Variants in UVRAG observed in about 807,000 individuals in gnomAD.
UVRAG encodes UV radiation resistance associated.
A neutral mutation model predicts 78.0 loss-of-function variants in UVRAG; 19 were observed. The ratio of observed to expected loss-of-function variants is 0.24; its 90% CI spans 0.17 to 0.36. UVRAG has a LOEUF of 0.36. Among genes scored for constraint, UVRAG ranks in the 10% least tolerant of loss-of-function variants. The pLI, the probability that UVRAG is intolerant of heterozygous loss-of-function variation, is 1.00. For missense variants in UVRAG, 740 were observed against 853.8 expected (o/e 0.87, Z 1.66); for synonymous variants, 323 against 324.6 (o/e 1.00, Z 0.05).
chr11:75,877,482 C>G (rs1416980426), intron 3 of UVRAG, among the ~76,000 whole-genome samples: 20 of 148,034 alleles, frequency 1.4e-4, no homozygotes, highest in Non-Finnish European at 2.6e-4. Flanking sequence ...ACCTCCCTCC[C>G]GGACGGGGCG....
chr11:75,975,909 T>C (rs1468235607), intron 7 of UVRAG, among the ~76,000 whole-genome samples: 2 of 152,212 alleles, frequency 1.3e-5, no homozygotes, highest in East Asian at 1.9e-4. Flanking sequence ...CTGTGTTGAA[T>C]AGGAGTGGTG....
chr11:75,890,465 G>C (rs1947191319), intron 5 of UVRAG, among the ~76,000 whole-genome samples: 1 of 152,204 alleles, frequency 6.6e-6, no homozygotes, highest in South Asian at 2.1e-4. Context: ...TGTCATGGAT[G>C]ACTTTTGGGT....
At chr11:75,999,665 C>T (rs1949774358) in intron 8 of UVRAG, among the ~76,000 whole-genome samples, 1 of 152,106 alleles carries the variant, frequency 6.6e-6, no homozygotes, top group African/African-American at 2.4e-5. Flanking sequence ...AGGTGTGAGC[C>T]ACCGTGCCCA....
At chr11:75,991,190 A>G (rs185341003) in intron 8 of UVRAG, among the ~76,000 whole-genome samples, 67 of 152,294 alleles carry the variant, frequency 4.4e-4, no homozygotes, top group African/African-American at 1.5e-3. Context: ...CCCCAAATAA[A>G]TAGACAGTTG....
chr11:75,930,926 A>ATTTTCTTTCT (rs1565385011), intron 6 of UVRAG: 2 of 79,700 alleles, frequency 2.5e-5, no homozygotes, highest in African/African-American at 8.4e-5. Flanking sequence ...AAGTGTCGGG[A>ATTTTCTTTCT]TTTTCTTTCT....
intron 6 of UVRAG, among the ~76,000 whole-genome samples, chr11:75,914,774 G>T (rs991799233): frequency 6.6e-6 from 1 of 152,098 alleles, no homozygotes; most frequent in African/African-American, 2.4e-5. Flanking sequence ...GATTACAGGC[G>T]TGAGCCACTG....
At chr11:76,049,449 G>A (rs1365606042) in intron 12 of UVRAG, among the ~76,000 whole-genome samples, 1 of 152,172 alleles carries the variant, frequency 6.6e-6, no homozygotes, top group Non-Finnish European at 1.5e-5. Flanking sequence ...CAAATCACTT[G>A]GTAAATTTGG....
At chr11:75,969,921 TC>T (rs2135233846) in intron 7 of UVRAG, among the ~76,000 whole-genome samples, 2 of 152,380 alleles carry the variant, frequency 1.3e-5, no homozygotes, top group African/African-American at 4.8e-5. Context: ...TATCAGCTTA[TC>T]CTGGATCCTG....
intron 1 of UVRAG, among the ~76,000 whole-genome samples, chr11:75,825,124 T>C (rs1945484584): frequency 6.6e-6 from 1 of 152,006 alleles, no homozygotes; most frequent in South Asian, 2.1e-4. Context: ...TTTTTTTTTT[T>C]TGAGACAGCG....
chr11:75,829,047 T>TAG (rs1945597735), intron 1 of UVRAG, among the ~76,000 whole-genome samples: 1 of 151,868 alleles, frequency 6.6e-6, no homozygotes, highest in South Asian at 2.1e-4. Context: ...GAGGACACTG[T>TAG]AGAGTTGCAG....
chr11:76,081,206 GTC>G (rs548840353), intron 13 of UVRAG, among the ~76,000 whole-genome samples: 96 of 151,960 alleles, frequency 6.3e-4, no homozygotes, highest in African/African-American at 2.3e-3. Context: ...CATTGAGCCA[GTC>G]TCTCTCTTTT....
At chr11:75,853,548 A>T (rs1415101280) in intron 2 of UVRAG, among the ~76,000 whole-genome samples, 1 of 151,658 alleles carries the variant, frequency 6.6e-6, no homozygotes, top group Admixed American at 6.6e-5. Context: ...TTTGGTAGAG[A>T]TGGGGTTTCA....
intron 7 of UVRAG, among the ~76,000 whole-genome samples, chr11:75,982,388 T>G (rs1240773396): frequency 6.6e-6 from 1 of 152,232 alleles, no homozygotes; most frequent in Admixed American, 6.5e-5. Context: ...AGATGCCTTG[T>G]TACTTCTCCC....
At chr11:75,918,138 G>A (rs1456634838) in intron 6 of UVRAG, among the ~76,000 whole-genome samples, 1 of 151,220 alleles carries the variant, frequency 6.6e-6, no homozygotes, top group Non-Finnish European at 1.5e-5. Context: ...AGGCCGAGAC[G>A]GGCAGATCAT....
intron 3 of UVRAG, among the ~76,000 whole-genome samples, chr11:75,864,260 T>G (rs1946488994): frequency 6.6e-6 from 1 of 152,184 alleles, no homozygotes; most frequent in African/African-American, 2.4e-5. Context: ...TTCACCATGT[T>G]ACCCAGGCTG....
intron 12 of UVRAG, among the ~76,000 whole-genome samples, chr11:76,050,928 C>T (rs1381286188): frequency 6.6e-6 from 1 of 152,162 alleles, no homozygotes; most frequent in Non-Finnish European, 1.5e-5. Context: ...AAAGCCTTAA[C>T]TTATTGTACC....
intron 2 of UVRAG, among the ~76,000 whole-genome samples, chr11:75,857,753 G>T (rs1340781291): frequency 1.3e-5 from 2 of 150,506 alleles, no homozygotes; most frequent in Admixed American, 6.6e-5. Context: ...TTCCCTAAGT[G>T]CTGGGATTAC....
At chr11:76,057,408 T>C (rs919751885) in intron 12 of UVRAG, among the ~76,000 whole-genome samples, 1 of 152,182 alleles carries the variant, frequency 6.6e-6, no homozygotes, top group Non-Finnish European at 1.5e-5. Flanking sequence ...TGTAAAGTTA[T>C]TAATCCAAAG....
chr11:76,032,440 A>G (rs1225764184), intron 12 of UVRAG, among the ~76,000 whole-genome samples: 1 of 152,218 alleles, frequency 6.6e-6, no homozygotes, highest in Non-Finnish European at 1.5e-5. Flanking sequence ...CTGATATAAC[A>G]TTTAATTCAT....
Sources: allele counts gnomAD v4.1 joint callset (sites outside exome capture counted in the v4.1 genomes callset), GRCh38; gene constraint gnomAD v4.1.1; transcripts MANE v1.5; gene names NCBI Gene and HGNC (gene_info 2026-07-23, HGNC 2026-07-21).